Variants in SMPD4 observed in about 807,000 individuals in gnomAD.
SMPD4 encodes the protein sphingomyelin phosphodiesterase 4.
SMPD4 carries 58 observed loss-of-function variants against 97.8 expected under a neutral mutation model. The ratio of observed to expected loss-of-function variants is 0.59; its 90% CI spans 0.48 to 0.74. The LOEUF is 0.74. SMPD4 is among the 30% of genes least tolerant of loss of function. The pLI, the probability that SMPD4 is intolerant of heterozygous loss-of-function variation, is 0.00. For missense variants in SMPD4, 853 were observed against 1,080.5 expected, an observed-to-expected ratio of 0.79 and a Z score of 2.95; for synonymous variants, 388 against 450.0, an observed-to-expected ratio of 0.86 and a Z score of 1.74.
At chr2:130,168,532 T>C (rs1688143704) in intron 8 of SMPD4, among the ~76,000 whole-genome samples, 2 of 151,732 alleles carry the variant, frequency 1.3e-5, no homozygotes, top group Admixed American at 1.3e-4. Flanking sequence ...TTATCAATTT[T>C]TTTTTGAGAC....
In SMPD4 at chr2:130,156,245, T is replaced by C. The variant is rs62163154; in HGVS notation, c.1189-110A>G. 2.8e-4 allele frequency: 261 copies of C among 931,500 alleles called. 1 individual carries two copies. Among genetic ancestry groups the C allele is most frequent in the African/African-American group, 8.0e-4 (49 of 61,112 alleles). 57.7% of individuals were successfully genotyped at this position (931,500 alleles called of 1,614,324 possible). A position where few individuals can be genotyped will look rare whatever the true frequency, so the allele number is the denominator to read the frequency against. On this transcript the variant is annotated intron_variant, in intron 13 of 19. Coordinates refer to ENST00000680298, the MANE Select transcript of SMPD4 (RefSeq NM_017951.5). ...GGTGGGACTGACTCTTCTCACTTCC[T>C]CCAGAGGGCGCAGGAGAGACATGCA... is the stretch of plus-strand genomic sequence containing the variant.
intron 9 of SMPD4, among the ~76,000 whole-genome samples, chr2:130,167,216 G>A (rs922238388): frequency 1.2e-4 from 18 of 152,020 alleles, no homozygotes; most frequent in Non-Finnish European, 5.9e-5. Flanking sequence ...CACCTCCTGG[G>A]TTCAAGCGAT....
Position 130,169,123 on chromosome 2 carries a change from G to A in SMPD4, c.660-1533C>T, listed in dbSNP as rs76615605. ...TAAAAGGGCACCTGGCAAGGACCAG[G>A]TGTCCCACTACGGTGCTCCTCCCAA... On this transcript the variant is annotated intron_variant, in intron 8 of 19. Coordinates refer to ENST00000680298, the MANE Select transcript of SMPD4 (RefSeq NM_017951.5). 7.3e-4 allele frequency among the ~76,000 whole-genome samples: 109 copies of A among 149,016 alleles called. No homozygotes were observed. In the Middle Eastern group the frequency reaches 0.011, roughly 14 times the overall value.
At chr2:130,175,384 G>GC (rs1688887303) in intron 2 of SMPD4, among the ~76,000 whole-genome samples, 1 of 151,964 alleles carries the variant, frequency 6.6e-6, no homozygotes. Flanking sequence ...GAGTTTGTAC[G>GC]CATCAACTGG....
Position 130,161,248 on chromosome 2 carries a change from T to G in SMPD4, c.889A>C (p.Ser297Arg). 9.9e-6 allele frequency: 16 copies of G among 1,613,818 alleles called. No individual in the cohort carries two copies. Among genetic ancestry groups the G allele is most frequent in the Non-Finnish European group, 1.4e-5 (16 of 1,179,954 alleles). The change falls in exon 11 of 20, where the codon AGT (serine) becomes CGT (arginine). Residue 297 changes from serine (S) to arginine (R), a missense_variant. Ser to Arg is a moderately radical substitution (Grantham distance 110). Transcript: ENST00000680298. Reference protein sequence around the residue: ...AKLEVLHYRLSVSSALYSPAQ... With the variant: ...AKLEVLHYRLRVSSALYSPAQ... ...GGGCTGTAGAGGGCGCTGGAGACAC[T>G]GAGTCGGTAGTGCAGAACCTCCAGC...
chr2:130,169,094 G>A (rs1688195998), intron 8 of SMPD4, among the ~76,000 whole-genome samples: 2 of 152,150 alleles, frequency 1.3e-5, no homozygotes, highest in Admixed American at 1.3e-4. Flanking sequence ...TTTTAACCCA[G>A]TGATAAAAGG....
At chr2:130,167,357 G>A in intron 9 of SMPD4, 101 bp downstream of exon 9, 1 of 1,536,080 alleles carries the variant, frequency 6.5e-7, no homozygotes, top group African/African-American at 1.4e-5. Flanking sequence ...CTGACCTCAG[G>A]TCATCTGCCC....
intron 9 of SMPD4, 143 bp downstream of exon 9, chr2:130,167,315 T>C: frequency 8.9e-7 from 1 of 1,129,128 alleles, no homozygotes; most frequent in East Asian, 2.6e-5. Flanking sequence ...GAGACGTGGT[T>C]TCACCATGCT....
intron 9 of SMPD4, among the ~76,000 whole-genome samples, chr2:130,165,105 AT>A: frequency 9.3e-6 from 1 of 107,386 alleles, no homozygotes; most frequent in South Asian, 3.4e-4. Context: ...ACAGACTCTG[AT>A]TTAAAAAAAA....
At chr2:130,168,606 A>G (rs1259563119) in intron 8 of SMPD4, among the ~76,000 whole-genome samples, 3 of 150,604 alleles carry the variant, frequency 2.0e-5, no homozygotes, top group African/African-American at 7.3e-5. Flanking sequence ...TGCAACCTCA[A>G]CCTCCTAGAC....
chr2:130,174,510 T>A (rs961036214), intron 3 of SMPD4, among the ~76,000 whole-genome samples: 23 of 152,252 alleles, frequency 1.5e-4, no homozygotes, highest in African/African-American at 5.1e-4. Flanking sequence ...TTTTAGTATT[T>A]ACATCAGGGT....
In SMPD4 at chr2:130,151,594, CACT is replaced by C. The variant is rs1342513357; in HGVS notation, c.*958_*960del. On this transcript the variant is annotated 3_prime_UTR_variant, in exon 20 of 20. Transcript: ENST00000680298. ...AACAAAGGCTTGGTTTGGAAATCAC[CACT>C]GAGATGCTGTTCTCCCTCGCATGTC... The C allele has an allele frequency of 1.4e-5, 2 of 147,976 alleles. No homozygotes were observed. The highest frequency in any genetic ancestry group is 2.5e-5 in the African/African-American group (1 of 39,358). 9.2% of individuals were successfully genotyped at this position (147,976 alleles called of 1,614,324 possible).
intron 10 of SMPD4, among the ~76,000 whole-genome samples, chr2:130,163,437 G>C (rs918696178): frequency 1.3e-5 from 2 of 152,224 alleles, no homozygotes; most frequent in Non-Finnish European, 2.9e-5. Flanking sequence ...GCAGACTGTG[G>C]CAGAAGCAGA....
chr2:130,169,326 T>C (rs1214571586), intron 8 of SMPD4, among the ~76,000 whole-genome samples: 1 of 152,140 alleles, frequency 6.6e-6, no homozygotes, highest in African/African-American at 2.4e-5. Context: ...CTGCACACAG[T>C]GTGAGGCCTG....
At position 130,152,796 on chromosome 2, in the gene SMPD4, C is replaced by T. The variant is rs773614398; in HGVS notation, c.2243G>A (p.Ser748Asn). ...RYHLTEPGLA[S>N]RHLLSPVGRR... ...CCCCACAGGGCTCAGCAGGTGCCTG[C>T]TGGCCAGCCCAGGTTCTGTGAGGTG... Residue 748 changes from serine to asparagine, a missense_variant, in exon 20 of 20, where the codon AGC (serine) becomes AAC (asparagine). Physicochemically the swap from Ser to Asn is conservative, Grantham distance 46. This residue lies in a region of SMPD4 where 511 missense variants were observed against 608.1 expected (regional missense o/e 0.84). Coordinates refer to ENST00000680298, the MANE Select transcript of SMPD4 (RefSeq NM_017951.5). The T allele has an allele frequency of 1.4e-5, 23 of 1,609,824 alleles. No homozygotes were observed. Among genetic ancestry groups the T allele is most frequent in the Non-Finnish European group, 1.9e-5 (22 of 1,178,350 alleles).
chr2:130,181,653 C>T, upstream of SMPD4: 3 of 1,551,380 alleles, frequency 1.9e-6, no homozygotes, highest in Non-Finnish European at 2.6e-6. Context: ...AGCGCTTCCA[C>T]CTCTTTGGGC....
intron 2 of SMPD4, among the ~76,000 whole-genome samples, chr2:130,176,273 C>T (rs190711119): frequency 3.0e-4 from 45 of 152,322 alleles, no homozygotes; most frequent in Non-Finnish European, 5.3e-4. Context: ...GATATACATC[C>T]TTCTCACTTG....
intron 9 of SMPD4, among the ~76,000 whole-genome samples, chr2:130,167,123 T>C (rs1406921330): frequency 6.6e-6 from 1 of 151,624 alleles, no homozygotes; most frequent in Non-Finnish European, 1.5e-5. Context: ...TCTTTTCTTT[T>C]TCTTTTTTTT....
intron 8 of SMPD4, among the ~76,000 whole-genome samples, chr2:130,169,840 C>T (rs1325556006): frequency 6.6e-6 from 1 of 152,222 alleles, no homozygotes; most frequent in African/African-American, 2.4e-5. Context: ...GCGTGAGCCA[C>T]TGTGCTCAGC....
Sources: gnomAD v4.1 joint callset for allele counts (sites outside exome capture counted in the v4.1 genomes callset) on GRCh38, gnomAD v4.1.1 for gene constraint, gnomAD v4.1.1 regional missense constraint, MANE v1.5 for transcripts, NCBI Gene and HGNC (gene_info 2026-07-23, HGNC 2026-07-21) for gene names.